Variants in L3MBTL4 observed in about 807,000 individuals in gnomAD.
L3MBTL4 encodes lethal(3)malignant brain tumor-like protein 4.
A neutral mutation model predicts 84.5 loss-of-function variants in L3MBTL4; 70 were observed. The ratio of observed to expected loss-of-function variants is 0.83; its 90% CI spans 0.68 to 1.01. The LOEUF (loss-of-function observed/expected upper bound fraction) is 1.01, where lower values mean the gene tolerates loss of function less well. L3MBTL4 is among the 50% of genes least tolerant of loss of function. L3MBTL4 has a pLI of 0.00. For missense variants in L3MBTL4, 715 were observed against 754.8 expected (o/e 0.95, Z 0.62); for synonymous variants, 274 against 259.8 (o/e 1.05, Z -0.52).
At chr18:5,957,554 C>A (rs2144594437) in intron 18 of L3MBTL4, among the ~76,000 whole-genome samples, 1 of 150,232 alleles carries the variant, frequency 6.7e-6, no homozygotes, top group African/African-American at 2.5e-5. Context: ...CAGCCTGGCT[C>A]AGATGATTCC....
chr18:5,993,973 G>A (rs1388717053), intron 16 of L3MBTL4, among the ~76,000 whole-genome samples: 1 of 152,222 alleles, frequency 6.6e-6, no homozygotes, highest in Non-Finnish European at 1.5e-5. Flanking sequence ...GGGGTTCAAA[G>A]GAACAACGGT....
At position 6,311,561 on chromosome 18, in the gene L3MBTL4, C is replaced by A; in HGVS notation, c.65G>T (p.Gly22Val). Residue 22 changes from glycine to valine, a missense_variant, in exon 3 of 19, where the codon GGA becomes GTA. Gly to Val is a moderately radical substitution (Grantham distance 109). Transcript: ENST00000317931. ...MDSKERLDQD[G>V]RLEQAEEEKK... ...CAGGGATGGACATCTTACCAAGCGTCCGTCCTGATCCAAACGCTCTTTGGA... is the reference window on the plus strand; with the variant it reads ...CAGGGATGGACATCTTACCAAGCGTACGTCCTGATCCAAACGCTCTTTGGA... 6.2e-7 allele frequency: 1 copy of A among 1,612,984 alleles called. No individual in the cohort carries two copies. Among genetic ancestry groups the A allele is most frequent in the South Asian group, 1.1e-5 (1 of 91,034 alleles).
rs866465991 is a variant in L3MBTL4 at position 6,329,188 on chromosome 18, T to C, written c.-90-17132A>G. Among the ~76,000 whole-genome samples, 734 of 149,854 alleles carry C rather than the reference T, an allele frequency of 4.9e-3. 11 individuals carry two copies. Among genetic ancestry groups the C allele is most frequent in the African/African-American group, 0.017 (702 of 40,614 alleles). The stretch of plus-strand genomic sequence containing the variant: ...TTTTTTTTTGAGACGGAGTTTGGCT[T>C]TGTCGCCCAGGCTGGAGTGCAGTGG... On this transcript the variant is annotated intron_variant, in intron 1 of 18. Coordinates refer to ENST00000317931, the MANE Select transcript of L3MBTL4 (RefSeq NM_001330559.2).
intron 1 of L3MBTL4, among the ~76,000 whole-genome samples, chr18:6,411,499 A>G (rs1007819729): frequency 7.2e-5 from 11 of 152,222 alleles, no homozygotes; most frequent in Admixed American, 6.5e-4. Context: ...GTTCAACTTC[A>G]TCTTCTCAGC....
intron 12 of L3MBTL4, among the ~76,000 whole-genome samples, chr18:6,192,154 G>T (rs748424682): frequency 6.6e-6 from 1 of 152,198 alleles, no homozygotes; most frequent in South Asian, 2.1e-4. Context: ...GCCACGTGAA[G>T]AAACTGTTAG....
intron 14 of L3MBTL4, among the ~76,000 whole-genome samples, chr18:6,135,305 G>A (rs1437591559): frequency 6.6e-6 from 1 of 152,154 alleles, no homozygotes; most frequent in East Asian, 1.9e-4. Context: ...GACATGGCCT[G>A]GAGACATTTT....
intron 10 of L3MBTL4, among the ~76,000 whole-genome samples, chr18:6,234,453 C>T (rs2047131407): frequency 6.6e-6 from 1 of 152,080 alleles, no homozygotes; most frequent in Admixed American, 6.5e-5. Context: ...CTACAATGAA[C>T]TCAAACAAAT....
At chr18:6,168,298 A>G (rs2145148250) in intron 13 of L3MBTL4, among the ~76,000 whole-genome samples, 2 of 152,276 alleles carry the variant, frequency 1.3e-5, no homozygotes, top group African/African-American at 2.4e-5. Context: ...GCTACCAATG[A>G]CCTTCTTCAC....
intron 16 of L3MBTL4, among the ~76,000 whole-genome samples, chr18:6,043,026 C>T (rs607840): frequency 0.67 from 102,474 of 152,006 alleles, 35,385 homozygotes; most frequent in East Asian, 0.99. Flanking sequence ...AAAGCACCCC[C>T]ATCTATTCAG....
At chr18:6,287,308 A>T (rs115708725) in intron 4 of L3MBTL4, among the ~76,000 whole-genome samples, 2,351 of 152,188 alleles carry the variant, frequency 0.015, 67 homozygotes, top group African/African-American at 0.054. Flanking sequence ...TAAGACTCAC[A>T]CCTCAATTGA....
intron 5 of L3MBTL4, among the ~76,000 whole-genome samples, chr18:6,257,232 A>G (rs1194691983): frequency 6.6e-6 from 1 of 152,174 alleles, no homozygotes; most frequent in East Asian, 1.9e-4. Context: ...CAGCGCAGGT[A>G]AAAGCACAGC....
At chr18:5,963,549 C>T (rs557519752) in intron 17 of L3MBTL4, among the ~76,000 whole-genome samples, 1 of 152,194 alleles carries the variant, frequency 6.6e-6, no homozygotes, top group Non-Finnish European at 1.5e-5. Context: ...AAGGCTCTGC[C>T]ATTTTGGAAA....
chr18:6,181,913 G>C (rs1000834424), intron 12 of L3MBTL4, among the ~76,000 whole-genome samples: 1 of 152,144 alleles, frequency 6.6e-6, no homozygotes, highest in Non-Finnish European at 1.5e-5. Context: ...GTCTACCACT[G>C]TTAGGCATTT....
At chr18:6,270,538 A>C (rs913854905) in intron 4 of L3MBTL4, among the ~76,000 whole-genome samples, 1 of 152,188 alleles carries the variant, frequency 6.6e-6, no homozygotes, top group Non-Finnish European at 1.5e-5. Flanking sequence ...AAACCCAAAC[A>C]ATGTGTCTGG....
intron 1 of L3MBTL4, among the ~76,000 whole-genome samples, chr18:6,345,183 AC>A (rs34312599): frequency 0.27 from 38,781 of 142,886 alleles, 6,966 homozygotes; most frequent in African/African-American, 0.52. Flanking sequence ...CAGCCTGGGC[AC>A]CGATGGTGAA....
intron 14 of L3MBTL4, among the ~76,000 whole-genome samples, chr18:6,101,558 G>T (rs137958921): frequency 1.5e-3 from 233 of 152,200 alleles, no homozygotes; most frequent in African/African-American, 5.2e-3. Context: ...AACAAAAGAG[G>T]CTTTCAGTAC....
intron 1 of L3MBTL4, among the ~76,000 whole-genome samples, chr18:6,351,844 C>T (rs534757309): frequency 3.0e-4 from 45 of 152,196 alleles, no homozygotes; most frequent in Non-Finnish European, 5.1e-4. Context: ...AGCAACCGCG[C>T]CCAGCCTAAA....
rs79414303 is a variant in L3MBTL4 at position 6,031,325 on chromosome 18, G to C, written c.1444+49556C>G. ...TGGGCATTTGGGTTATAGGTTTTCT[G>C]GTTGCAGAGAAGATAAATGCCTTCC... is the stretch of plus-strand genomic sequence containing the variant. On this transcript the variant is annotated intron_variant, in intron 16 of 18. Transcript: ENST00000317931. 197 of 985,394 alleles carry C rather than the reference G, an allele frequency of 2.0e-4. 1 individual carries two copies. In the African/African-American group the frequency reaches 3.3e-3, roughly 17 times the overall value. 61.0% of individuals were successfully genotyped at this position (985,394 alleles called of 1,614,324 possible). A position where few individuals can be genotyped will look rare whatever the true frequency, so the allele number is the denominator to read the frequency against.
chr18:6,060,160 C>A (rs1035175688), intron 16 of L3MBTL4, among the ~76,000 whole-genome samples: 1 of 152,028 alleles, frequency 6.6e-6, no homozygotes, highest in African/African-American at 2.4e-5. Flanking sequence ...TCATTACATA[C>A]TCTCATTATG....
Sources: gnomAD v4.1 joint callset for allele counts (sites outside exome capture counted in the v4.1 genomes callset) on GRCh38, gnomAD v4.1.1 for gene constraint, MANE v1.5 for transcripts, NCBI Gene and HGNC (gene_info 2026-07-23, HGNC 2026-07-21) for gene names.